The following RORA variants were observed in gnomAD, a reference collection of about 807,000 sequenced individuals.
RORA encodes the protein RAR related orphan receptor A.
In RORA, 7 loss-of-function variants were observed where a neutral mutation model predicts 69.5. That is an observed-to-expected ratio of 0.10 (90% CI 0.06 to 0.19). RORA has a LOEUF of 0.19. Ranked by LOEUF, RORA falls within the 10% of genes least tolerant of loss-of-function variation. The pLI is 1.00. For missense variants in RORA, 457 were observed against 663.0 expected, an observed-to-expected ratio of 0.69 and a Z score of 3.41; for synonymous variants, 261 against 240.8, an observed-to-expected ratio of 1.08 and a Z score of -0.78.
chr15:61,019,389 T>C (rs1217680644), intron 1 of RORA, among the ~76,000 whole-genome samples: 1 of 152,194 alleles, frequency 6.6e-6, no homozygotes, highest in African/African-American at 2.4e-5. Flanking sequence ...TTCCTCCATT[T>C]TGTGTAGTAA....
At chr15:60,918,051 T>C (rs1891932447) in intron 1 of RORA, among the ~76,000 whole-genome samples, 1 of 152,192 alleles carries the variant, frequency 6.6e-6, no homozygotes, top group Non-Finnish European at 1.5e-5. Flanking sequence ...CCTCATCTAA[T>C]CCTTTCGACA....
intron 1 of RORA, among the ~76,000 whole-genome samples, chr15:61,199,111 G>C (rs2079872649): frequency 6.6e-6 from 1 of 152,174 alleles, no homozygotes; most frequent in Non-Finnish European, 1.5e-5. Context: ...AGAAAAGTTA[G>C]CAAGTGATGG....
At chr15:60,925,549 A>G (rs1892189275) in intron 1 of RORA, among the ~76,000 whole-genome samples, 1 of 152,188 alleles carries the variant, frequency 6.6e-6, no homozygotes, top group Non-Finnish European at 1.5e-5. Context: ...CTGTCCTCAG[A>G]GGGGAGTCAG....
chr15:61,045,605 A>AG (rs1163038859), intron 1 of RORA, among the ~76,000 whole-genome samples: 2 of 152,116 alleles, frequency 1.3e-5, no homozygotes, highest in African/African-American at 2.4e-5. Context: ...AGATCATCCA[A>AG]GGGGTGTACC....
chr15:60,857,820 G>C (rs1431105114), intron 1 of RORA, among the ~76,000 whole-genome samples: 1 of 152,184 alleles, frequency 6.6e-6, no homozygotes, highest in Non-Finnish European at 1.5e-5. Context: ...CAAAATTATA[G>C]GATCCCAGGA....
chr15:61,129,048 T>G (rs1394430822), intron 1 of RORA, among the ~76,000 whole-genome samples: 2 of 152,206 alleles, frequency 1.3e-5, no homozygotes, highest in Non-Finnish European at 2.9e-5. Flanking sequence ...AATTCACATG[T>G]CTCGTTAACA....
At position 61,047,578 on chromosome 15, in the gene RORA, G is replaced by T. The variant is rs889001458; in HGVS notation, c.166+181475C>A. ...CCCTTGTTCTTGAGACATAAATCAGGATAAAGGTGTCGAGAATGGTAAAAC... is the reference window on the plus strand; with the variant it reads ...CCCTTGTTCTTGAGACATAAATCAGTATAAAGGTGTCGAGAATGGTAAAAC... On this transcript the variant is annotated intron_variant, in intron 1 of 10. Coordinates refer to ENST00000335670, the MANE Select transcript of RORA (RefSeq NM_134261.3). Among the ~76,000 whole-genome samples the T allele has an allele frequency of 3.3e-5, 5 of 151,992 alleles. No homozygotes were observed. The East Asian group carries it at 9.7e-4, about 29-fold the overall frequency.
intron 1 of RORA, among the ~76,000 whole-genome samples, chr15:61,143,947 G>A (rs1157226216): frequency 6.6e-6 from 1 of 152,180 alleles, no homozygotes; most frequent in African/African-American, 2.4e-5. Context: ...CGAAATTTCT[G>A]AAAGGCAAAG....
intron 2 of RORA, among the ~76,000 whole-genome samples, chr15:60,540,209 C>T (rs925493253): frequency 3.9e-5 from 6 of 152,152 alleles, no homozygotes; most frequent in South Asian, 2.1e-4. Flanking sequence ...TTTTTTTCTC[C>T]TTAACAGGAA....
At chr15:60,981,805 A>G (rs553324673) in intron 1 of RORA, among the ~76,000 whole-genome samples, 29 of 148,540 alleles carry the variant, frequency 2.0e-4, no homozygotes, top group African/African-American at 5.2e-4. Flanking sequence ...TCACTTTCTC[A>G]CTTTCTCAAA....
At position 60,537,569 on chromosome 15, in the gene RORA, G is replaced by C. The variant is rs2066718707; in HGVS notation, c.197-5718C>G. Among the ~76,000 whole-genome samples the C allele has an allele frequency of 6.6e-6, 1 of 152,194 alleles. No homozygotes were observed. The highest frequency in any genetic ancestry group is 2.4e-5 in the African/African-American group (1 of 41,446). ...GCTCTCATTACATCTCCATGTGGAA[G>C]GGGAACAGACCATCGACCTGGACCT... On this transcript the variant is annotated intron_variant, in intron 2 of 10. Transcript: ENST00000335670. This position sits in a 1 kb window ranked among gnomAD's most constrained non-coding sequence, Gnocchi z 4.9.
At chr15:60,594,303 T>G (rs1417750359) in intron 2 of RORA, among the ~76,000 whole-genome samples, 2 of 152,226 alleles carry the variant, frequency 1.3e-5, no homozygotes, top group Non-Finnish European at 2.9e-5. Context: ...CGCCCCTCAG[T>G]TACACTGACA....
At chr15:60,952,369 G>A (rs1158395770) in intron 1 of RORA, among the ~76,000 whole-genome samples, 1 of 152,142 alleles carries the variant, frequency 6.6e-6, no homozygotes, top group Non-Finnish European at 1.5e-5. Flanking sequence ...CATTCCCTTT[G>A]AAAACTGGCA....
intron 1 of RORA, among the ~76,000 whole-genome samples, chr15:60,959,483 C>CA (rs1468252083): frequency 6.6e-6 from 1 of 152,076 alleles, no homozygotes; most frequent in Admixed American, 6.5e-5. Context: ...CTGAAACACA[C>CA]AAATGTTGAA....
chr15:60,734,848 C>A (rs1310162713), intron 1 of RORA, among the ~76,000 whole-genome samples: 1 of 152,204 alleles, frequency 6.6e-6, no homozygotes, highest in Non-Finnish European at 1.5e-5. Context: ...CAATGGCTAA[C>A]TAAACTGTTT....
intron 1 of RORA, among the ~76,000 whole-genome samples, chr15:61,021,795 A>G (rs1895539569): frequency 6.6e-6 from 1 of 152,194 alleles, no homozygotes. Flanking sequence ...ACAACAGGAA[A>G]ACACACTGTC....
At chr15:60,974,520 A>G (rs1893821158) in intron 1 of RORA, among the ~76,000 whole-genome samples, 1 of 152,194 alleles carries the variant, frequency 6.6e-6, no homozygotes, top group Non-Finnish European at 1.5e-5. Flanking sequence ...AATGGAAGTC[A>G]TTCACTCTGC....
chr15:60,929,941 A>G (rs1292185389), intron 1 of RORA, among the ~76,000 whole-genome samples: 1 of 152,080 alleles, frequency 6.6e-6, no homozygotes, highest in Non-Finnish European at 1.5e-5. Flanking sequence ...ATTTTGGATC[A>G]ACACGTGCTG....
rs573017767 is a variant in RORA, at chr15:60,724,212, C to T, written c.167-45526G>A. Among the ~76,000 whole-genome samples the T allele has an allele frequency of 7.9e-5, 12 of 152,260 alleles. No individual in the cohort carries two copies. In the South Asian group the frequency reaches 1.9e-3, roughly 24 times the overall value. ...TTAAAGGATAAATACAATTACCCTG[C>T]TAGATCACTAACAATGATAACAAGG... On this transcript the variant is annotated intron_variant, in intron 1 of 10. Coordinates refer to ENST00000335670, the MANE Select transcript of RORA (RefSeq NM_134261.3).
Sources: allele counts gnomAD v4.1 joint callset (sites outside exome capture counted in the v4.1 genomes callset), GRCh38; gene constraint gnomAD v4.1.1; non-coding constraint Gnocchi (gnomAD v3.1); transcripts MANE v1.5; gene names NCBI Gene and HGNC (gene_info 2026-07-23, HGNC 2026-07-21).